FHOD3: variants seen among roughly 807,000 people sequenced by gnomAD.
The protein encoded by FHOD3 is FH1/FH2 domain-containing protein 3.
Under a neutral mutation model 173.0 loss-of-function variants are expected in FHOD3, and 90 were observed. That is an observed-to-expected ratio of 0.52 (90% CI 0.44 to 0.62). FHOD3 has a LOEUF of 0.62. Ranked by LOEUF, FHOD3 falls within the 20% of genes least tolerant of loss-of-function variation. The pLI, the probability that FHOD3 is intolerant of heterozygous loss-of-function variation, is 0.00. For synonymous variants in FHOD3, 828 were observed against 823.0 expected (o/e 1.01, Z -0.10); for missense variants, 1,945 against 2,034.7 (o/e 0.96, Z 0.85).
intron 3 of FHOD3, among the ~76,000 whole-genome samples, chr18:36,493,955 G>A (rs770407523): frequency 3.3e-5 from 5 of 152,324 alleles, no homozygotes; most frequent in Non-Finnish European, 5.9e-5. Flanking sequence ...TAGTCTCACA[G>A]TTCAGCGATT....
intron 2 of FHOD3, among the ~76,000 whole-genome samples, chr18:36,370,108 T>C (rs1598868280): frequency 6.6e-6 from 1 of 152,168 alleles, no homozygotes; most frequent in Admixed American, 6.5e-5. Flanking sequence ...CTGGCCACAC[T>C]CTTCACCCAC....
At chr18:36,378,743 G>A (rs536859212) in intron 3 of FHOD3, among the ~76,000 whole-genome samples, 3 of 152,092 alleles carry the variant, frequency 2.0e-5, no homozygotes, top group Admixed American at 6.5e-5. Context: ...GTGCAGTGGC[G>A]TGATCTCAGC....
intron 28 of FHOD3, among the ~76,000 whole-genome samples, chr18:36,773,070 C>T (rs2043461753): frequency 6.6e-6 from 1 of 152,228 alleles, no homozygotes; most frequent in South Asian, 2.1e-4. Context: ...AGAGCAGGGC[C>T]AGGCTGGAGG....
intron 14 of FHOD3, among the ~76,000 whole-genome samples, chr18:36,677,844 T>C (rs1233444271): frequency 6.6e-6 from 1 of 152,252 alleles, no homozygotes; most frequent in East Asian, 1.9e-4. Flanking sequence ...GCATCCTGAC[T>C]GCATTGATTT....
chr18:36,677,927 ATTAG>A (rs758840540), intron 14 of FHOD3, among the ~76,000 whole-genome samples: 8 of 152,194 alleles, frequency 5.3e-5, no homozygotes, highest in African/African-American at 1.7e-4. Flanking sequence ...CTTTCATATT[ATTAG>A]TTAAGTAATT....
chr18:36,366,742 C>T (rs2046917001), intron 2 of FHOD3, among the ~76,000 whole-genome samples: 1 of 152,202 alleles, frequency 6.6e-6, no homozygotes, highest in African/African-American at 2.4e-5. Flanking sequence ...AATCCTCCTC[C>T]ATCTCTTTAT....
chr18:36,663,272 AC>A (rs1262927994), intron 14 of FHOD3, among the ~76,000 whole-genome samples: 1 of 152,156 alleles, frequency 6.6e-6, no homozygotes, highest in Non-Finnish European at 1.5e-5. Context: ...GTATTGAATA[AC>A]CCTTTGTTTC....
chr18:36,385,179 T>C (rs894394279), intron 3 of FHOD3, among the ~76,000 whole-genome samples: 1 of 152,208 alleles, frequency 6.6e-6, no homozygotes, highest in African/African-American at 2.4e-5. Flanking sequence ...GAAAACCAAG[T>C]AACGCCCAAT....
intron 4 of FHOD3, among the ~76,000 whole-genome samples, chr18:36,502,530 T>C (rs1215471023): frequency 6.6e-6 from 1 of 152,192 alleles, no homozygotes; most frequent in Non-Finnish European, 1.5e-5. Flanking sequence ...TTTCTGAGAA[T>C]GATGGTTTCC....
At chr18:36,584,521 G>T (rs973892213) in intron 6 of FHOD3, among the ~76,000 whole-genome samples, 2 of 152,178 alleles carry the variant, frequency 1.3e-5, no homozygotes, top group Non-Finnish European at 2.9e-5. Context: ...TTGCACTATT[G>T]TCTTAAATCC....
intron 1 of FHOD3, among the ~76,000 whole-genome samples, chr18:36,301,695 A>G (rs1598625170): frequency 6.6e-6 from 1 of 152,236 alleles, no homozygotes. Flanking sequence ...AGTAGCATTC[A>G]TAGAATCATA....
chr18:36,340,789 A>T (rs1598768368), intron 1 of FHOD3, among the ~76,000 whole-genome samples: 1 of 151,232 alleles, frequency 6.6e-6, no homozygotes, highest in Non-Finnish European at 1.5e-5. Context: ...GGCCCCCACC[A>T]CCACGCCCGG....
chr18:36,667,180 T>A (rs1411408228), intron 14 of FHOD3, among the ~76,000 whole-genome samples: 2 of 152,236 alleles, frequency 1.3e-5, no homozygotes, highest in African/African-American at 4.8e-5. Flanking sequence ...GTTGTCTTTG[T>A]ATGTACATGT....
chr18:36,575,574 T>C (rs1395522433), intron 5 of FHOD3, among the ~76,000 whole-genome samples: 3 of 152,258 alleles, frequency 2.0e-5, no homozygotes, highest in African/African-American at 7.2e-5. Context: ...TAAGCTGTTC[T>C]ACTGTTACCA....
At chr18:36,624,680 C>G (rs1035074197) in intron 9 of FHOD3, among the ~76,000 whole-genome samples, 2 of 76,036 alleles carry the variant, frequency 2.6e-5, no homozygotes, top group East Asian at 1.7e-3. Flanking sequence ...TAAAAATATC[C>G]CTTGGAGAAA....
chr18:36,355,569 A>G lies in FHOD3; in HGVS notation c.196A>G (p.Asn66Asp), dbSNP rs2046321767. ...LDDCTLQLSH[N>D]GAYLDLEATL... is the part of the protein sequence containing the mutation. ...TGACTGTACTCTGCAGCTCTCTCAC[A>G]ATGGCGCCTACCTGGATTTGGAGGC... Residue 66 changes from asparagine (N) to aspartate (D), a missense_variant, in exon 2 of 29, where the codon AAT becomes GAT. Asn to Asp is a conservative substitution (Grantham distance 23). Coordinates refer to ENST00000590592, the MANE Select transcript of FHOD3 (RefSeq NM_001281740.3). 6.2e-7 allele frequency: 1 copy of G among 1,614,002 alleles called. No homozygotes were observed. The highest frequency in any genetic ancestry group is 1.7e-5 in the Admixed American group (1 of 60,000).
intron 10 of FHOD3, among the ~76,000 whole-genome samples, chr18:36,649,090 C>T (rs1004307878): frequency 1.3e-5 from 2 of 152,232 alleles, no homozygotes; most frequent in Non-Finnish European, 2.9e-5. Context: ...CTTACATCTC[C>T]ACCCGACGTT....
At chr18:36,706,994 C>T (rs2039919420) in intron 17 of FHOD3, among the ~76,000 whole-genome samples, 1 of 152,156 alleles carries the variant, frequency 6.6e-6, no homozygotes, top group Admixed American at 6.6e-5. Context: ...ACTCTATTAT[C>T]AGATGAAAAA....
At chr18:36,528,884 G>A (rs563011119) in intron 5 of FHOD3, among the ~76,000 whole-genome samples, 5 of 152,148 alleles carry the variant, frequency 3.3e-5, no homozygotes, top group Non-Finnish European at 5.9e-5. Context: ...CTGATAGTCC[G>A]TGCCACATCA....
Sources: gnomAD v4.1 joint callset for allele counts (sites outside exome capture counted in the v4.1 genomes callset) on GRCh38, gnomAD v4.1.1 for gene constraint, MANE v1.5 for transcripts, NCBI Gene and HGNC (gene_info 2026-07-23, HGNC 2026-07-21) for gene names.